The following EDRF1 variants were observed in gnomAD, a reference collection of about 807,000 sequenced individuals.
The protein encoded by EDRF1 is erythroid differentiation-related factor 1.
Under a neutral mutation model 148.7 loss-of-function variants are expected in EDRF1, and 69 were observed. The ratio of observed to expected loss-of-function variants is 0.46; its 90% CI spans 0.38 to 0.57. The LOEUF is 0.57. Ranked by LOEUF, EDRF1 falls within the 20% of genes least tolerant of loss-of-function variation. EDRF1 has a pLI of 0.00. For missense variants in EDRF1, 1,118 were observed against 1,478.7 expected, an observed-to-expected ratio of 0.76 and a Z score of 4.00; for synonymous variants, 515 against 532.8, an observed-to-expected ratio of 0.97 and a Z score of 0.46.
chr10:125,738,973 C>T (rs1005363259), intron 15 of EDRF1, among the ~76,000 whole-genome samples: 9 of 152,162 alleles, frequency 5.9e-5, no homozygotes, highest in Non-Finnish European at 1.0e-4. Flanking sequence ...ACAAATGTCA[C>T]TTTTAAATTA....
intron 19 of EDRF1, chr10:125,747,282 A>C (rs914136683): frequency 2.0e-6 from 1 of 501,962 alleles, no homozygotes; most frequent in African/African-American, 1.9e-5. Context: ...TGAGTCAGAA[A>C]GCAGCAGCAC....
intron 17 of EDRF1, chr10:125,742,713 C>T (rs1849094724): frequency 1.0e-6 from 1 of 984,638 alleles, no homozygotes; most frequent in Non-Finnish European, 1.2e-6. Context: ...ATTTCAAGAA[C>T]TATTTCCATT....
chr10:125,722,957 A>G lies in EDRF1; in HGVS notation c.318-111A>G, dbSNP rs74162849. On this transcript the variant is annotated intron_variant, in intron 2 of 24. Coordinates refer to ENST00000356792, the MANE Select transcript of EDRF1 (RefSeq NM_001202438.2). Reference sequence around the variant, plus strand: ...ACATCCTGGTTTCAGAGTTGTTAAAATGTGGAAAATGTGTATCCTAGAAGC... The same window carrying G: ...ACATCCTGGTTTCAGAGTTGTTAAAGTGTGGAAAATGTGTATCCTAGAAGC... 6,330 of 944,980 alleles carry G rather than the reference A, an allele frequency of 6.7e-3. 266 individuals carry two copies. The African/African-American group carries it at 0.087, about 13-fold the overall frequency. 58.5% of individuals were successfully genotyped at this position (944,980 alleles called of 1,614,324 possible).
intron 9 of EDRF1, among the ~76,000 whole-genome samples, chr10:125,732,340 A>G (rs781092990): frequency 6.6e-6 from 1 of 152,198 alleles, no homozygotes; most frequent in Non-Finnish European, 1.5e-5. Context: ...TGGTGGTGCC[A>G]TTTAGTGAGA....
At chr10:125,743,391 C>A in intron 18 of EDRF1, 115 bp downstream of exon 18, 1 of 799,834 alleles carries the variant, frequency 1.3e-6, no homozygotes, top group South Asian at 1.5e-5. Context: ...AAGAGGTGCT[C>A]TATTAGAGAA....
At chr10:125,754,221 A>C (rs1849782718) in intron 24 of EDRF1, among the ~76,000 whole-genome samples, 1 of 152,004 alleles carries the variant, frequency 6.6e-6, no homozygotes, top group African/African-American at 2.4e-5. Flanking sequence ...ATCTCAAAAA[A>C]AAAAAAAAAG....
intron 15 of EDRF1, among the ~76,000 whole-genome samples, chr10:125,739,537 A>T (rs1485654338): frequency 6.6e-6 from 1 of 152,184 alleles, no homozygotes; most frequent in Non-Finnish European, 1.5e-5. Flanking sequence ...TGTGAACAAG[A>T]ACTTCATCTT....
chr10:125,729,346 T>C lies in EDRF1; in HGVS notation c.895-12T>C. ...GACTGTTTATTATAATCCTCCCTAT[T>C]TTAAATCACAGGGTCTTAAAAATGA... On this transcript the variant is annotated splice_polypyrimidine_tract_variant and intron_variant, in intron 7 of 24. Coordinates refer to ENST00000356792, the MANE Select transcript of EDRF1 (RefSeq NM_001202438.2). 1 of 1,612,236 alleles carries C rather than the reference T, an allele frequency of 6.2e-7. No homozygotes were observed. Among genetic ancestry groups the C allele is most frequent in the Non-Finnish European group, 8.5e-7 (1 of 1,178,296 alleles).
intron 14 of EDRF1, 46 bp downstream of exon 14, chr10:125,738,035 G>A: frequency 6.4e-7 from 1 of 1,559,064 alleles, no homozygotes; most frequent in African/African-American, 1.4e-5. Flanking sequence ...GTTTGTACTT[G>A]ATTATGCAAA....
chr10:125,734,765 C>A (rs1418739135), intron 12 of EDRF1, among the ~76,000 whole-genome samples: 1 of 152,094 alleles, frequency 6.6e-6, no homozygotes, highest in Non-Finnish European at 1.5e-5. Flanking sequence ...GTCATGCTCC[C>A]AACAGTTTTA....
At chr10:125,737,831 C>A in intron 13 of EDRF1, 87 bp from the exon 14 acceptor site, 2 of 1,310,134 alleles carry the variant, frequency 1.5e-6, no homozygotes, top group Middle Eastern at 1.8e-4. Context: ...GTTGATAATG[C>A]TTACAGTAAT....
rs1279026856 is a variant in EDRF1, at chr10:125,734,109, A to C, written c.1423A>C (p.Lys475Gln). 6.2e-7 allele frequency: 1 copy of C among 1,613,352 alleles called. No homozygotes were observed. Among genetic ancestry groups the C allele is most frequent in the East Asian group, 2.2e-5 (1 of 44,840 alleles). ...CNMMMKKNQNKKHYGTIRTLL... is the reference protein window; with the variant it reads ...CNMMMKKNQNQKHYGTIRTLL... The stretch of plus-strand genomic sequence containing the variant: ...CATGATGATGAAGAAGAATCAAAAT[A>C]AGAAACACTATGGAACTATTAGAAC... The change falls in exon 12 of 25, where the codon AAG (lysine) becomes CAG (glutamine). Residue 475 changes from lysine to glutamine, a missense_variant. Transcript: ENST00000356792.
intron 24 of EDRF1, among the ~76,000 whole-genome samples, chr10:125,754,354 T>C (rs1259521608): frequency 1.3e-5 from 2 of 152,232 alleles, no homozygotes; most frequent in Admixed American, 6.5e-5. Context: ...GCCTTCTATG[T>C]ATTGAAATTA....
chr10:125,747,085 GT>G (rs1849395179), intron 19 of EDRF1: 1 of 158,754 alleles, frequency 6.3e-6, no homozygotes, highest in African/African-American at 2.4e-5. Flanking sequence ...ATTAAGTGTG[GT>G]TTTGTTTTTG....
At chr10:125,723,777 C>A (rs1401976911) in intron 3 of EDRF1, 34 bp from the exon 4 acceptor site, 1 of 1,591,362 alleles carries the variant, frequency 6.3e-7, no homozygotes, top group Non-Finnish European at 8.6e-7. Context: ...CTAAAACAGT[C>A]TTTCTAAACT....
At chr10:125,724,085 TTGAA>T (rs1848140748) in intron 4 of EDRF1, 149 bp downstream of exon 4, 2 of 888,898 alleles carry the variant, frequency 2.2e-6, no homozygotes, top group Non-Finnish European at 3.4e-6. Flanking sequence ...ATAGAAAAGC[TTGAA>T]TGAAGAAAAA....
intron 16 of EDRF1, 142 bp downstream of exon 16, chr10:125,740,793 C>G (rs1023407517): frequency 1.8e-4 from 201 of 1,124,816 alleles, no homozygotes; most frequent in Non-Finnish European, 7.5e-5. Context: ...GTGTGTGTTA[C>G]CTTCTATTTT....
At chr10:125,726,608 A>G (rs920081354) in intron 6 of EDRF1, among the ~76,000 whole-genome samples, 1 of 152,206 alleles carries the variant, frequency 6.6e-6, no homozygotes, top group Non-Finnish European at 1.5e-5. Context: ...GTTCCCACAT[A>G]TTGAGCACTA....
At chr10:125,749,159 A>C in intron 21 of EDRF1, 1 of 466,952 alleles carries the variant, frequency 2.1e-6, no homozygotes, top group African/African-American at 2.0e-5. Context: ...AGGCAGGGGA[A>C]TTGCTTGAGT....
Sources: gnomAD v4.1 joint callset for allele counts (sites outside exome capture counted in the v4.1 genomes callset) on GRCh38, gnomAD v4.1.1 for gene constraint, MANE v1.5 for transcripts, NCBI Gene and HGNC (gene_info 2026-07-23, HGNC 2026-07-21) for gene names.